TM9SF4: variants seen among roughly 807,000 people sequenced by gnomAD.
The protein encoded by TM9SF4 is dinucleotide oxidase disulfide thiol exchanger 3 superfamily member 4.
TM9SF4 carries 26 observed loss-of-function variants against 90.4 expected under a neutral mutation model. The ratio of observed to expected loss-of-function variants is 0.29; its 90% confidence interval spans 0.21 to 0.40. The LOEUF (loss-of-function observed/expected upper bound fraction) is 0.40, where lower values mean the gene tolerates loss of function less well. Among genes scored for constraint, TM9SF4 ranks in the 10% least tolerant of loss-of-function variants. The pLI, the probability that TM9SF4 is intolerant of heterozygous loss-of-function variation, is 1.00. For missense variants in TM9SF4, 549 were observed against 834.8 expected (o/e 0.66, Z 4.22); for synonymous variants, 293 against 315.4 (o/e 0.93, Z 0.75).
At chr20:32,118,515 G>A (rs1219904673) in intron 1 of TM9SF4, among the ~76,000 whole-genome samples, 1 of 151,858 alleles carries the variant, frequency 6.6e-6, no homozygotes, top group Admixed American at 6.5e-5. Context: ...TCTAACTGCA[G>A]CCGTCGGACT....
intron 16 of TM9SF4, among the ~76,000 whole-genome samples, chr20:32,160,754 T>C (rs992111230): frequency 2.0e-5 from 3 of 151,810 alleles, no homozygotes; most frequent in Non-Finnish European, 2.9e-5. Flanking sequence ...ATCGAGACCA[T>C]CCTGGCTAAC....
At chr20:32,150,999 A>T in intron 12 of TM9SF4, 124 bp downstream of exon 12, 1 of 1,172,032 alleles carries the variant, frequency 8.5e-7, no homozygotes, top group Non-Finnish European at 1.2e-6. Context: ...GCAGCAAGAC[A>T]TAGCAGGAGC....
intron 6 of TM9SF4, among the ~76,000 whole-genome samples, chr20:32,143,791 C>T (rs2046717203): frequency 6.6e-6 from 1 of 151,746 alleles, no homozygotes; most frequent in Non-Finnish European, 1.5e-5. Context: ...AAGTCCCAAA[C>T]ATAGATCCTG....
At chr20:32,146,119 A>G (rs2046758805) in intron 8 of TM9SF4, among the ~76,000 whole-genome samples, 1 of 152,252 alleles carries the variant, frequency 6.6e-6, no homozygotes, top group Non-Finnish European at 1.5e-5. Context: ...CCAAAGGGCC[A>G]GCTGCTGAAC....
At chr20:32,143,299 G>A (rs1404266232) in intron 6 of TM9SF4, among the ~76,000 whole-genome samples, 194 bp downstream of exon 6, 2 of 152,178 alleles carry the variant, frequency 1.3e-5, no homozygotes, top group African/African-American at 2.4e-5. Flanking sequence ...GCAGTGTCAC[G>A]GGCTAGACAC....
rs2047095967 is a variant in TM9SF4 at position 32,166,171 on chromosome 20, T to C, written c.*727T>C. Reference sequence around the variant, plus strand: ...CCCCAGACAGCAGGAATTGCCCCTGTTCAGAGCAGCCGGAGTTTGCTGGAC... The same window carrying C: ...CCCCAGACAGCAGGAATTGCCCCTGCTCAGAGCAGCCGGAGTTTGCTGGAC... On this transcript the variant is annotated 3_prime_UTR_variant, in exon 18 of 18. Coordinates refer to ENST00000398022, the MANE Select transcript of TM9SF4 (RefSeq NM_014742.4). The C allele has an allele frequency of 6.5e-6, 1 of 152,890 alleles. No individual in the cohort carries two copies. 9.5% of individuals were successfully genotyped at this position (152,890 alleles called of 1,614,324 possible). A position where few individuals can be genotyped will look rare whatever the true frequency, so the allele number is the denominator to read the frequency against.
chr20:32,163,553 A>G (rs1600352624), intron 17 of TM9SF4, among the ~76,000 whole-genome samples: 1 of 150,646 alleles, frequency 6.6e-6, no homozygotes, highest in South Asian at 2.1e-4. Flanking sequence ...ACTGTTTTCC[A>G]GGTCCAATAG....
chr20:32,161,444 A>G, intron 17 of TM9SF4, 79 bp downstream of exon 17: 1 of 1,372,206 alleles, frequency 7.3e-7, no homozygotes, highest in Non-Finnish European at 1.0e-6. Flanking sequence ...AGAAAAACCC[A>G]AGTGCCTGAA....
At chr20:32,133,185 T>C (rs1311841320) in intron 2 of TM9SF4, 59 bp downstream of exon 2, 4 of 1,512,508 alleles carry the variant, frequency 2.6e-6, no homozygotes, top group Admixed American at 3.6e-5. Context: ...TGGAGCACCA[T>C]GGTGAGCTGT....
At chr20:32,118,317 A>C (rs1036459990) in intron 1 of TM9SF4, among the ~76,000 whole-genome samples, 34 of 152,256 alleles carry the variant, frequency 2.2e-4, no homozygotes, top group African/African-American at 8.0e-4. Flanking sequence ...TCCGCTCTGC[A>C]TAATTCTTAC....
intron 1 of TM9SF4, among the ~76,000 whole-genome samples, chr20:32,132,122 C>T (rs1475636350): frequency 6.6e-6 from 1 of 152,020 alleles, no homozygotes; most frequent in Non-Finnish European, 1.5e-5. Flanking sequence ...GGAGATGTGC[C>T]ATTGGGCGTG....
chr20:32,145,827 A>C (rs901128493), intron 8 of TM9SF4, among the ~76,000 whole-genome samples: 2 of 152,256 alleles, frequency 1.3e-5, no homozygotes, highest in Non-Finnish European at 1.5e-5. Flanking sequence ...GGAGTTCCAG[A>C]TAGTGATACA....
chr20:32,151,443 C>T (rs2046838845), intron 12 of TM9SF4, among the ~76,000 whole-genome samples: 1 of 151,860 alleles, frequency 6.6e-6, no homozygotes. Flanking sequence ...TCTCCTAGAG[C>T]GAGTGAGTCT....
At chr20:32,155,500 A>C (rs2046906084) in intron 13 of TM9SF4, among the ~76,000 whole-genome samples, 1 of 152,208 alleles carries the variant, frequency 6.6e-6, no homozygotes, top group Non-Finnish European at 1.5e-5. Context: ...TGAGCTGCCC[A>C]GTGTGAGTTT....
Position 32,161,452 on chromosome 20 carries a change from G to A in TM9SF4, c.1779+87G>A, listed in dbSNP as rs892534807. The A allele has an allele frequency of 6.2e-6, 8 of 1,290,722 alleles. No homozygotes were observed. In the African/African-American group the frequency reaches 1.2e-4, roughly 19 times the overall value. 80.0% of individuals were successfully genotyped at this position (1,290,722 alleles called of 1,614,324 possible). ...TGCTGGGAGAAAAACCCAAGTGCCT[G>A]AATCTTCCTTTTCCACCCAGAATGG... is the stretch of plus-strand genomic sequence containing the variant. On this transcript the variant is annotated intron_variant, in intron 17 of 17. Transcript: ENST00000398022.
At chr20:32,135,230 C>T (rs1457071168) in intron 2 of TM9SF4, among the ~76,000 whole-genome samples, 1 of 152,098 alleles carries the variant, frequency 6.6e-6, no homozygotes, top group East Asian at 1.9e-4. Flanking sequence ...ATGGCTTTAC[C>T]ATATTTAATT....
chr20:32,115,512 A>G (rs1048159757), intron 1 of TM9SF4, among the ~76,000 whole-genome samples: 3 of 152,162 alleles, frequency 2.0e-5, no homozygotes, highest in Non-Finnish European at 4.4e-5. Flanking sequence ...GGATGGGGAC[A>G]CCCAGGACTT....
At chr20:32,123,862 A>ATTTTTTTTTT (rs1168474976) in intron 1 of TM9SF4, among the ~76,000 whole-genome samples, 1 of 53,128 alleles carries the variant, frequency 1.9e-5, no homozygotes, top group African/African-American at 1.1e-4. Flanking sequence ...ATATATATAT[A>ATTTTTTTTTT]TATATTTTTT....
At chr20:32,143,200 A>T in intron 6 of TM9SF4, 95 bp downstream of exon 6, 1 of 1,483,458 alleles carries the variant, frequency 6.7e-7, no homozygotes. Context: ...GAGCTGGCCG[A>T]TGGGCTCGGG....
Sources: allele counts gnomAD v4.1 joint callset (sites outside exome capture counted in the v4.1 genomes callset), GRCh38; gene constraint gnomAD v4.1.1; transcripts MANE v1.5; gene names NCBI Gene and HGNC (gene_info 2026-07-23, HGNC 2026-07-21).